Variants in ATRNL1 observed in about 807,000 individuals in gnomAD.
The protein encoded by ATRNL1 is attractin-like protein 1.
Under a neutral mutation model 182.7 loss-of-function variants are expected in ATRNL1, and 95 were observed. The ratio of observed to expected loss-of-function variants is 0.52; its 90% confidence interval spans 0.44 to 0.62. The LOEUF (loss-of-function observed/expected upper bound fraction) is 0.62, where lower values mean the gene tolerates loss of function less well. ATRNL1 is among the 20% of genes least tolerant of loss of function. The pLI is 0.00. For synonymous variants in ATRNL1, 576 were observed against 568.3 expected, an observed-to-expected ratio of 1.01 and a Z score of -0.19; for missense variants, 1,471 against 1,679.5, an observed-to-expected ratio of 0.88 and a Z score of 2.17.
chr10:115,434,535 T>A (rs1055292313), intron 21 of ATRNL1, among the ~76,000 whole-genome samples: 4 of 152,132 alleles, frequency 2.6e-5, no homozygotes, highest in African/African-American at 9.7e-5. Context: ...GCAAAAAGTT[T>A]TTATATGAGT....
intron 21 of ATRNL1, among the ~76,000 whole-genome samples, chr10:115,429,152 A>C (rs913840180): frequency 2.0e-5 from 3 of 152,050 alleles, no homozygotes; most frequent in Non-Finnish European, 4.4e-5. Context: ...GGTGTGTAAA[A>C]TTTATCCTTT....
At chr10:115,230,440 A>G (rs2144513846) in intron 9 of ATRNL1, among the ~76,000 whole-genome samples, 1 of 152,276 alleles carries the variant, frequency 6.6e-6, no homozygotes, top group Non-Finnish European at 1.5e-5. Context: ...AAAAGCCTTG[A>G]GATGGGAACA....
At chr10:115,836,433 T>C (rs1032409197) in intron 27 of ATRNL1, among the ~76,000 whole-genome samples, 2 of 152,174 alleles carry the variant, frequency 1.3e-5, no homozygotes, top group Admixed American at 6.5e-5. Flanking sequence ...ACTTGGTGGC[T>C]TAAAAAAACA....
chr10:115,510,465 A>G (rs1554982381), intron 24 of ATRNL1, among the ~76,000 whole-genome samples: 1 of 152,050 alleles, frequency 6.6e-6, no homozygotes, highest in African/African-American at 2.4e-5. Flanking sequence ...ACACTGAGGC[A>G]AGACCCTCCA....
At chr10:115,199,110 C>T (rs1274910398) in intron 8 of ATRNL1, among the ~76,000 whole-genome samples, 1 of 152,068 alleles carries the variant, frequency 6.6e-6, no homozygotes, top group Non-Finnish European at 1.5e-5. Flanking sequence ...GATATTATAA[C>T]AATATTAATT....
chr10:115,520,397 A>G (rs1554984874), intron 25 of ATRNL1, among the ~76,000 whole-genome samples: 2 of 152,178 alleles, frequency 1.3e-5, no homozygotes, highest in African/African-American at 4.8e-5. Flanking sequence ...ATATTTCAAG[A>G]TTTGTGGGCT....
intron 25 of ATRNL1, among the ~76,000 whole-genome samples, chr10:115,520,071 C>A (rs1262348994): frequency 6.6e-6 from 1 of 152,116 alleles, no homozygotes; most frequent in African/African-American, 2.4e-5. Flanking sequence ...TTATGCTGGT[C>A]ATTTGGGTGC....
Position 115,433,733 on chromosome 10 carries a change from A to G in ATRNL1, c.3322+7431A>G, listed in dbSNP as rs372534655. Among the ~76,000 whole-genome samples, 99 of 152,298 alleles carry G rather than the reference A, an allele frequency of 6.5e-4. 2 individuals carry two copies. In the South Asian group the frequency reaches 0.02, roughly 31 times the overall value. ...TTATAAGAAAATTTAAAATAGCTAA[A>G]AGGAAAAAAATTGCTATTAAGTTAA... is the stretch of plus-strand genomic sequence containing the variant. On this transcript the variant is annotated intron_variant, in intron 21 of 28. Coordinates refer to ENST00000355044, the MANE Select transcript of ATRNL1 (RefSeq NM_207303.4).
At chr10:115,360,566 G>T (rs1363642728) in intron 19 of ATRNL1, among the ~76,000 whole-genome samples, 3 of 150,842 alleles carry the variant, frequency 2.0e-5, no homozygotes, top group African/African-American at 7.3e-5. Context: ...ATTTTATTCA[G>T]ATTGTGCCAA....
At chr10:115,868,989 C>G (rs1951511832) in intron 28 of ATRNL1, among the ~76,000 whole-genome samples, 1 of 151,802 alleles carries the variant, frequency 6.6e-6, no homozygotes, top group African/African-American at 2.4e-5. Flanking sequence ...GCCACCACGC[C>G]CGGCTAATTT....
chr10:115,488,206 G>A (rs1446331094), intron 24 of ATRNL1, among the ~76,000 whole-genome samples: 1 of 152,142 alleles, frequency 6.6e-6, no homozygotes, highest in East Asian at 1.9e-4. Flanking sequence ...TCTCTACCAG[G>A]TTTTGGTGTC....
intron 28 of ATRNL1, among the ~76,000 whole-genome samples, chr10:115,924,038 G>T (rs558154439): frequency 1.3e-5 from 2 of 152,276 alleles, no homozygotes; most frequent in Admixed American, 1.3e-4. Context: ...TTTGTTGGCT[G>T]TGCAAATGTC....
intron 24 of ATRNL1, among the ~76,000 whole-genome samples, chr10:115,510,379 G>T (rs918591696): frequency 6.6e-6 from 1 of 151,998 alleles, no homozygotes; most frequent in African/African-American, 2.4e-5. Flanking sequence ...AAATATCATT[G>T]TTGTCTTATT....
At chr10:115,322,302 T>G (rs1372691691) in intron 18 of ATRNL1, among the ~76,000 whole-genome samples, 1 of 151,876 alleles carries the variant, frequency 6.6e-6, no homozygotes, top group Non-Finnish European at 1.5e-5. Flanking sequence ...GGAGGATAAG[T>G]ATATAGTTAT....
chr10:115,212,509 G>T (rs1407611982), intron 8 of ATRNL1, among the ~76,000 whole-genome samples: 2 of 151,720 alleles, frequency 1.3e-5, no homozygotes, highest in Non-Finnish European at 2.9e-5. Flanking sequence ...TATATCCAAA[G>T]AAATATATTA....
intron 28 of ATRNL1, among the ~76,000 whole-genome samples, chr10:115,938,848 G>T (rs1953641746): frequency 6.6e-6 from 1 of 152,140 alleles, no homozygotes; most frequent in Admixed American, 6.5e-5. Context: ...GAGGCTAGGG[G>T]AAGGGGGAGG....
intron 27 of ATRNL1, among the ~76,000 whole-genome samples, chr10:115,730,253 CAAAAAAAAAAAAAAAAA>C (rs535690432): frequency 3.3e-4 from 20 of 61,422 alleles, no homozygotes; most frequent in African/African-American, 3.8e-4. Context: ...TAGGACTCCT[CAAAAAAAAAAAAAAAAA>C]AAAAAAAAAA....
chr10:115,330,672 CTTTTTTTT>C (rs200104323), intron 18 of ATRNL1, among the ~76,000 whole-genome samples: 2 of 101,410 alleles, frequency 2.0e-5, no homozygotes, highest in African/African-American at 3.7e-5. Flanking sequence ...GTGTTATTTG[CTTTTTTTT>C]TTTTTTTTTT....
At chr10:115,791,614 T>C (rs1388981123) in intron 27 of ATRNL1, among the ~76,000 whole-genome samples, 2 of 152,190 alleles carry the variant, frequency 1.3e-5, no homozygotes, top group Non-Finnish European at 2.9e-5. Context: ...TCTTTGTATA[T>C]AGATGAGTTC....
Sources: allele counts gnomAD v4.1 joint callset (sites outside exome capture counted in the v4.1 genomes callset), GRCh38; gene constraint gnomAD v4.1.1; transcripts MANE v1.5; gene names NCBI Gene and HGNC (gene_info 2026-07-23, HGNC 2026-07-21).